The following DCC variants were observed in gnomAD, a reference collection of about 807,000 sequenced individuals.
DCC encodes DCC netrin 1 receptor, also known as netrin receptor DCC.
In DCC, 58 loss-of-function variants were observed where a neutral mutation model predicts 172.5. That is an observed-to-expected ratio of 0.34 (90% CI 0.27 to 0.42). The LOEUF is 0.42. Among genes scored for constraint, DCC ranks in the 10% least tolerant of loss-of-function variants. The pLI is 1.00. For missense variants in DCC, 1,740 were observed against 1,791.0 expected (o/e 0.97, Z 0.51); for synonymous variants, 709 against 644.5 (o/e 1.10, Z -1.52).
At chr18:53,105,949 C>T (rs1278618066) in intron 7 of DCC, among the ~76,000 whole-genome samples, 1 of 151,154 alleles carries the variant, frequency 6.6e-6, no homozygotes, top group Non-Finnish European at 1.5e-5. Flanking sequence ...TCACACCTCC[C>T]TGTGACCCAA....
chr18:52,728,421 T>C (rs1432696687), intron 1 of DCC, among the ~76,000 whole-genome samples: 1 of 152,138 alleles, frequency 6.6e-6, no homozygotes, highest in Non-Finnish European at 1.5e-5. Context: ...ATGTGCTCCA[T>C]CTCTTAGGGC....
rs541592627 is a variant in DCC at position 52,918,627 on chromosome 18, C to A, written c.698-5080C>A. 2.6e-5 allele frequency among the ~76,000 whole-genome samples: 4 copies of A among 152,146 alleles called. No individual in the cohort carries two copies. In the East Asian group the frequency reaches 5.8e-4, roughly 22 times the overall value. ...ACGCAAGAATCCAAAGATGAAAAAA[C>A]CACCCATAATTCCATCACACAACAT... On this transcript the variant is annotated intron_variant, in intron 3 of 28. Transcript: ENST00000442544.
At chr18:52,706,543 C>T (rs11872192) in intron 1 of DCC, among the ~76,000 whole-genome samples, 5,338 of 152,238 alleles carry the variant, frequency 0.035, 142 homozygotes, top group East Asian at 0.085. Context: ...TATCTTCTCC[C>T]ATTTCCAAGT....
chr18:52,895,100 G>T (rs2039708739), intron 2 of DCC, among the ~76,000 whole-genome samples: 1 of 152,176 alleles, frequency 6.6e-6, no homozygotes, highest in Non-Finnish European at 1.5e-5. Context: ...AAAGGGTGGT[G>T]ACAGTGATGT....
chr18:52,363,481 C>T (rs1447873273), intron 1 of DCC, among the ~76,000 whole-genome samples: 1 of 152,164 alleles, frequency 6.6e-6, no homozygotes, highest in South Asian at 2.1e-4. Flanking sequence ...GTCTTGGACA[C>T]AACACCTCTC....
At chr18:53,217,288 CACACACACACACATAT>C (rs1568371284) in intron 12 of DCC, among the ~76,000 whole-genome samples, 4 of 119,514 alleles carry the variant, frequency 3.3e-5, no homozygotes, top group African/African-American at 1.8e-4. Flanking sequence ...CACACACACA[CACACACACACACATAT>C]GTATATACAC....
At chr18:52,866,548 C>T (rs1025338686) in intron 2 of DCC, among the ~76,000 whole-genome samples, 3 of 151,900 alleles carry the variant, frequency 2.0e-5, no homozygotes, top group Non-Finnish European at 2.9e-5. Flanking sequence ...CGTTTGTGTC[C>T]TCTCTTATTT....
intron 1 of DCC, among the ~76,000 whole-genome samples, chr18:52,398,627 C>G (rs1377695660): frequency 2.0e-5 from 3 of 151,926 alleles, no homozygotes; most frequent in African/African-American, 7.2e-5. Flanking sequence ...TATATCTAGG[C>G]TCTTAAAGAA....
At chr18:52,541,875 G>GTATA (rs765428849) in intron 1 of DCC, among the ~76,000 whole-genome samples, 20,968 of 114,870 alleles carry the variant, frequency 0.18, 2,216 homozygotes, top group South Asian at 0.26. Flanking sequence ...GTGTGTGTGT[G>GTATA]TATATATATA....
At chr18:53,369,844 G>A (rs2058042304) in intron 15 of DCC, among the ~76,000 whole-genome samples, 1 of 151,606 alleles carries the variant, frequency 6.6e-6, no homozygotes. Flanking sequence ...AATATATGCT[G>A]CTGAATTTGG....
intron 8 of DCC, among the ~76,000 whole-genome samples, chr18:53,169,598 A>C (rs769518780): frequency 2.0e-5 from 3 of 152,202 alleles, no homozygotes; most frequent in Non-Finnish European, 4.4e-5. Flanking sequence ...CTGACAATCC[A>C]TCTGGTGTTA....
chr18:53,109,397 A>T (rs992330863), intron 7 of DCC, among the ~76,000 whole-genome samples: 1 of 151,612 alleles, frequency 6.6e-6, no homozygotes, highest in African/African-American at 2.4e-5. Flanking sequence ...TAAAACTTCA[A>T]TATTTATTAA....
intron 25 of DCC, among the ~76,000 whole-genome samples, chr18:53,468,363 T>TTTATTTATTTTATTTTA (rs1555675962): frequency 1.8e-5 from 1 of 54,722 alleles, no homozygotes; most frequent in African/African-American, 4.3e-5. Flanking sequence ...TATTTATTTA[T>TTTATTTATTTTATTTTA]TTTATTTATT....
At chr18:52,596,030 C>T (rs994025725) in intron 1 of DCC, among the ~76,000 whole-genome samples, 2 of 152,190 alleles carry the variant, frequency 1.3e-5, no homozygotes, top group African/African-American at 4.8e-5. Context: ...AGGTTACAAC[C>T]TGTACAGACT....
intron 5 of DCC, among the ~76,000 whole-genome samples, chr18:53,037,452 G>A (rs890688077): frequency 1.3e-5 from 2 of 151,896 alleles, no homozygotes; most frequent in Admixed American, 1.3e-4. Flanking sequence ...AACCTGAGAT[G>A]ATTTTATTGT....
In DCC at chr18:53,205,266, A is replaced by G; in HGVS notation, c.1624A>G (p.Thr542Ala). The change falls in exon 10 of 29, where the codon ACC becomes GCC. Residue 542 changes from threonine (T) to alanine (A), a missense_variant. Physicochemically the swap from Thr to Ala is moderately conservative, Grantham distance 58. Coordinates refer to ENST00000442544, the MANE Select transcript of DCC (RefSeq NM_005215.4). ...ENLQAVSTSP[T>A]SILITWEPPA... ...CCTGCAAGCTGTATCTACCTCACCT[A>G]CCTCAATTCTTATTACCTGGGAACC... The G allele has an allele frequency of 1.2e-6, 2 of 1,613,504 alleles. No individual in the cohort carries two copies. The highest frequency in any genetic ancestry group is 1.7e-6 in the Non-Finnish European group (2 of 1,179,502).
At chr18:52,364,408 T>A (rs1984753747) in intron 1 of DCC, among the ~76,000 whole-genome samples, 1 of 152,190 alleles carries the variant, frequency 6.6e-6, no homozygotes, top group South Asian at 2.1e-4. Context: ...TTGATAAACA[T>A]TGCATGTGTT....
intron 27 of DCC, among the ~76,000 whole-genome samples, chr18:53,514,441 T>TAACTA: frequency 6.7e-6 from 1 of 149,838 alleles, no homozygotes; most frequent in Admixed American, 6.7e-5. Context: ...AGGCAAGAAA[T>TAACTA]AAATCAGAGC....
intron 5 of DCC, among the ~76,000 whole-genome samples, chr18:53,001,365 G>A (rs1451133293): frequency 6.6e-6 from 1 of 151,990 alleles, no homozygotes; most frequent in Non-Finnish European, 1.5e-5. Context: ...AAAATGTTCA[G>A]GGAATAAGGT....
Sources: allele counts gnomAD v4.1 joint callset (sites outside exome capture counted in the v4.1 genomes callset), GRCh38; gene constraint gnomAD v4.1.1; transcripts MANE v1.5; gene names NCBI Gene and HGNC (gene_info 2026-07-23, HGNC 2026-07-21).